Variants in UTP23 observed in about 807,000 individuals in gnomAD.
The protein encoded by UTP23 is UTP23 small subunit processome component.
A neutral mutation model predicts 19.8 loss-of-function variants in UTP23; 10 were observed. The ratio of observed to expected loss-of-function variants is 0.50; its 90% CI spans 0.31 to 0.86. The LOEUF (loss-of-function observed/expected upper bound fraction) is 0.86. Ranked by LOEUF, UTP23 falls within the 40% of genes least tolerant of loss-of-function variation. The pLI is 0.05. For missense variants in UTP23, 282 were observed against 293.1 expected, an observed-to-expected ratio of 0.96 and a Z score of 0.28; for synonymous variants, 108 against 105.4, an observed-to-expected ratio of 1.02 and a Z score of -0.15.
Position 116,772,423 on chromosome 8 carries a change from TGAA to T in UTP23, c.*585_*587del, listed in dbSNP as rs1815670330. ...AACTTCCTCTTTCAATTCTAGTAGT[TGAA>T]GAATTTATATTTCCAAATTGTATGA... On this transcript the variant is annotated 3_prime_UTR_variant, in exon 3 of 3. Coordinates refer to ENST00000309822, the MANE Select transcript of UTP23 (RefSeq NM_032334.3). The T allele has an allele frequency of 2.1e-6, 2 of 950,126 alleles. No homozygotes were observed. Among genetic ancestry groups the T allele is most frequent in the Non-Finnish European group, 2.5e-6 (2 of 797,818 alleles). 58.9% of individuals were successfully genotyped at this position (950,126 alleles called of 1,614,324 possible).
chr8:116,774,215 TG>T lies in UTP23; in HGVS notation c.*2374del. 1.0e-6 allele frequency: 1 copy of T among 985,362 alleles called. No individual in the cohort carries two copies. Among genetic ancestry groups the T allele is most frequent in the African/African-American group, 1.7e-5 (1 of 57,314 alleles). 61.0% of individuals were successfully genotyped at this position (985,362 alleles called of 1,614,324 possible). On this transcript the variant is annotated 3_prime_UTR_variant, in exon 3 of 3. Transcript: ENST00000309822. ...TCTTTTACGAACACTTAAAAATAAG[TG>T]TTTGCAGTTGTGTATGGGCACGATA...
Position 116,774,549 on chromosome 8 carries a change from G to C in UTP23, c.*2707G>C. ...CTCCAAGATATATATATGTATATAG[G>C]TATATACACATATGTATATATACAT... On this transcript the variant is annotated 3_prime_UTR_variant, in exon 3 of 3. Coordinates refer to ENST00000309822, the MANE Select transcript of UTP23 (RefSeq NM_032334.3). 1.8e-5 allele frequency: 10 copies of C among 567,086 alleles called. No individual in the cohort carries two copies. Among genetic ancestry groups the C allele is most frequent in the Middle Eastern group, 9.1e-4 (1 of 1,098 alleles). 35.1% of individuals were successfully genotyped at this position (567,086 alleles called of 1,614,324 possible).
At position 116,773,033 on chromosome 8, in the gene UTP23, T is replaced by G. The variant is rs1337101884; in HGVS notation, c.*1191T>G. On this transcript the variant is annotated 3_prime_UTR_variant, in exon 3 of 3. Coordinates refer to ENST00000309822, the MANE Select transcript of UTP23 (RefSeq NM_032334.3). ...ATGGTTAAATGTGAGACAGTTCACA[T>G]TTATTCCCATAGAAATGTCATTCTC... 3 of 981,140 alleles carry G rather than the reference T, an allele frequency of 3.1e-6. No individual in the cohort carries two copies. Among genetic ancestry groups the G allele is most frequent in the Non-Finnish European group, 3.6e-6 (3 of 828,746 alleles). The allele number at this position is 981,140 out of a possible 1,614,324, so 60.8% of individuals were successfully genotyped here.
At position 116,772,803 on chromosome 8, in the gene UTP23, G is replaced by A; in HGVS notation, c.*961G>A. The A allele has an allele frequency of 1.0e-6, 1 of 985,402 alleles. No individual in the cohort carries two copies. The highest frequency in any genetic ancestry group is 1.2e-6 in the Non-Finnish European group (1 of 829,924). The allele number at this position is 985,402 out of a possible 1,614,324, so 61.0% of individuals were successfully genotyped here. On this transcript the variant is annotated 3_prime_UTR_variant, in exon 3 of 3. Coordinates refer to ENST00000309822, the MANE Select transcript of UTP23 (RefSeq NM_032334.3). ...AGTTAGGAATTGAATAATGAAACGT[G>A]TCTCTCTGAATTCCCCCGGCAATTG...
In UTP23 at chr8:116,772,350, G is replaced by T; in HGVS notation, c.*508G>T. Reference sequence around the variant, plus strand: ...TTTAAAAAATCTTACAGTTCTAAAAGGCTTGTGACAAAAAAAGAGGCAGTC... The same window carrying T: ...TTTAAAAAATCTTACAGTTCTAAAATGCTTGTGACAAAAAAAGAGGCAGTC... On this transcript the variant is annotated 3_prime_UTR_variant, in exon 3 of 3. Transcript: ENST00000309822. 1.0e-6 allele frequency: 1 copy of T among 984,956 alleles called. No homozygotes were observed. The highest frequency in any genetic ancestry group is 1.7e-5 in the African/African-American group (1 of 57,294). The allele number at this position is 984,956 out of a possible 1,614,324, so 61.0% of individuals were successfully genotyped here.
At position 116,773,195 on chromosome 8, in the gene UTP23, TA is replaced by T; in HGVS notation, c.*1354del. The T allele has an allele frequency of 2.0e-6, 2 of 985,380 alleles. No individual in the cohort carries two copies. The highest frequency in any genetic ancestry group is 2.4e-6 in the Non-Finnish European group (2 of 829,904). 61.0% of individuals were successfully genotyped at this position (985,380 alleles called of 1,614,324 possible). On this transcript the variant is annotated 3_prime_UTR_variant, in exon 3 of 3. Transcript: ENST00000309822. Reference sequence around the variant, plus strand: ...TGATTCTATTTTAAATTCTTGATGGTAGAAACATTTTTAATAAGGAAGGTAA... The same window carrying T: ...TGATTCTATTTTAAATTCTTGATGGTGAAACATTTTTAATAAGGAAGGTAA...
chr8:116,767,999 G>A (rs1282846314), intron 1 of UTP23, among the ~76,000 whole-genome samples: 2 of 152,056 alleles, frequency 1.3e-5, no homozygotes, highest in African/African-American at 4.8e-5. Context: ...AGACAGGAGG[G>A]TTGCCTGAGT....
At position 116,774,594 on chromosome 8, in the gene UTP23, A is replaced by G; in HGVS notation, c.*2752A>G. On this transcript the variant is annotated 3_prime_UTR_variant, in exon 3 of 3. Transcript: ENST00000309822. ...ATACATAGTCTATATATTCTATATA[A>G]GAATATATTCCAATAAGAATATATT... 1 of 663,238 alleles carries G rather than the reference A, an allele frequency of 1.5e-6. No homozygotes were observed. The highest frequency in any genetic ancestry group is 1.9e-6 in the Non-Finnish European group (1 of 537,108). 41.1% of individuals were successfully genotyped at this position (663,238 alleles called of 1,614,324 possible).
In UTP23 at chr8:116,773,881, C is replaced by G. The variant is rs1376275982; in HGVS notation, c.*2039C>G. The G allele has an allele frequency of 3.3e-6, 3 of 922,494 alleles. No homozygotes were observed. The African/African-American group carries it at 5.4e-5, about 17-fold the overall frequency. 57.1% of individuals were successfully genotyped at this position (922,494 alleles called of 1,614,324 possible). ...TTTATGTATTTTGCCAGTAAAATTA[C>G]TTTAAAAGATATTTTAACAAAAGTC... On this transcript the variant is annotated 3_prime_UTR_variant, in exon 3 of 3. Transcript: ENST00000309822.
chr8:116,769,597 T>A (rs1815625414), intron 1 of UTP23, among the ~76,000 whole-genome samples: 1 of 152,168 alleles, frequency 6.6e-6, no homozygotes, highest in Admixed American at 6.6e-5. Flanking sequence ...AGCAAAATCT[T>A]CTTGAAACAG....
In UTP23 at chr8:116,774,558, CAT is replaced by C. The variant is rs1448225096; in HGVS notation, c.*2719_*2720del. 3.6e-6 allele frequency: 2 copies of C among 563,088 alleles called. No individual in the cohort carries two copies. Among genetic ancestry groups the C allele is most frequent in the South Asian group, 7.8e-5 (1 of 12,750 alleles). 34.9% of individuals were successfully genotyped at this position (563,088 alleles called of 1,614,324 possible). On this transcript the variant is annotated 3_prime_UTR_variant, in exon 3 of 3. Coordinates refer to ENST00000309822, the MANE Select transcript of UTP23 (RefSeq NM_032334.3). ...ATATATATGTATATAGGTATATACA[CAT>C]ATGTATATATACATAGTCTATATAT...
rs1363768044 is a variant in UTP23 at position 116,772,737 on chromosome 8, A to G, written c.*895A>G. 2 of 985,262 alleles carry G rather than the reference A, an allele frequency of 2.0e-6. No homozygotes were observed. Among genetic ancestry groups the G allele is most frequent in the Admixed American group, 6.1e-5 (1 of 16,262 alleles). 61.0% of individuals were successfully genotyped at this position (985,262 alleles called of 1,614,324 possible). ...TGAGATTGACTGTGAATGTTATTGA[A>G]AAGTGTCTAAATTAGTCTGAGGATC... On this transcript the variant is annotated 3_prime_UTR_variant, in exon 3 of 3. Transcript: ENST00000309822.
chr8:116,770,237 G>A lies in UTP23; in HGVS notation c.234G>A (p.Gly78=), dbSNP rs202052785. The change falls in exon 2 of 3, where the codon GGG becomes GGA. Residue 78 remains glycine (G), a synonymous_variant. Coordinates refer to ENST00000309822, the MANE Select transcript of UTP23 (RefSeq NM_032334.3). The part of the protein sequence containing the change: ...ELETLGKDLY[G]AKLIAQKCQV... ...AAACATTGGGAAAGGACTTATATGG[G>A]GCAAAACTGATTGCACAAAAATGCC... 1.1e-4 allele frequency: 174 copies of A among 1,613,728 alleles called. No individual in the cohort carries two copies. Among genetic ancestry groups the A allele is most frequent in the Non-Finnish European group, 1.4e-4 (171 of 1,179,850 alleles).
At position 116,770,362 on chromosome 8, in the gene UTP23, C is replaced by T. The variant is rs754748619; in HGVS notation, c.359C>T (p.Thr120Ile). ...AATCCTCATCATTATTTTGTGGCAA[C>T]ACAGGTGATACTACTTTTAAAACCA... is the stretch of plus-strand genomic sequence containing the variant. Reference protein sequence around the residue: ...EGNPHHYFVATQDQNLSVKVK... With the variant: ...EGNPHHYFVAIQDQNLSVKVK... Residue 120 changes from threonine (T) to isoleucine (I), a missense_variant, in exon 2 of 3, where the codon ACA becomes ATA. Transcript: ENST00000309822. The T allele has an allele frequency of 2.8e-5, 45 of 1,607,944 alleles. No individual in the cohort carries two copies. Among genetic ancestry groups the T allele is most frequent in the Non-Finnish European group, 3.7e-5 (43 of 1,175,252 alleles).
intron 1 of UTP23, 169 bp from the exon 2 acceptor site, chr8:116,770,023 T>TCTTCCTA (rs1815630269): frequency 1.7e-6 from 1 of 595,398 alleles, no homozygotes; most frequent in African/African-American, 1.8e-5. Flanking sequence ...TAACTGTTGT[T>TCTTCCTA]CTTCCTACTT....
rs780351909 is a variant in UTP23 at position 116,773,569 on chromosome 8, T to C, written c.*1727T>C. On this transcript the variant is annotated 3_prime_UTR_variant, in exon 3 of 3. Transcript: ENST00000309822. ...GCTCACACCTGTAATCCCAGCACTTTGGGAGGCCGAGGCTGGCAGATCACA... is the reference window on the plus strand; with the variant it reads ...GCTCACACCTGTAATCCCAGCACTTCGGGAGGCCGAGGCTGGCAGATCACA... The C allele has an allele frequency of 4.0e-5, 35 of 873,670 alleles. No homozygotes were observed. The highest frequency in any genetic ancestry group is 4.5e-5 in the Non-Finnish European group (33 of 728,294). 54.1% of individuals were successfully genotyped at this position (873,670 alleles called of 1,614,324 possible).
At position 116,774,122 on chromosome 8, in the gene UTP23, T is replaced by C; in HGVS notation, c.*2280T>C. On this transcript the variant is annotated 3_prime_UTR_variant, in exon 3 of 3. Coordinates refer to ENST00000309822, the MANE Select transcript of UTP23 (RefSeq NM_032334.3). ...CTACTAGCTTTGTTGGGGATAAAAG[T>C]GTAATACATGCACTTTTGAACTCTG... is the stretch of plus-strand genomic sequence containing the variant. The C allele has an allele frequency of 1.0e-6, 1 of 985,418 alleles. No individual in the cohort carries two copies. The allele number at this position is 985,418 out of a possible 1,614,324, so 61.0% of individuals were successfully genotyped here.
chr8:116,768,027 G>A (rs1232413057), intron 1 of UTP23, among the ~76,000 whole-genome samples: 1 of 152,114 alleles, frequency 6.6e-6, no homozygotes, highest in Admixed American at 6.6e-5. Flanking sequence ...TTTGAGGTGA[G>A]CCTGAGCAAC....
Position 116,766,630 on chromosome 8 carries a change from C to T in UTP23, c.27C>T (p.Ala9=). 1 of 1,613,006 alleles carries T rather than the reference C, an allele frequency of 6.2e-7. No individual in the cohort carries two copies. Among genetic ancestry groups the T allele is most frequent in the Non-Finnish European group, 8.5e-7 (1 of 1,179,776 alleles). The change falls in exon 1 of 3, where the codon GCC becomes GCT. Residue 9 remains alanine (A), a synonymous_variant. Transcript: ENST00000309822. The part of the protein sequence containing the change: MKITRQKH[A]KKHLGFFRNN... ...TGAAGATCACAAGGCAGAAACATGC[C>T]AAGAAGCATCTTGGCTTCTTCCGCA...
Sources: allele counts gnomAD v4.1 joint callset (sites outside exome capture counted in the v4.1 genomes callset), GRCh38; gene constraint gnomAD v4.1.1; transcripts MANE v1.5; gene names NCBI Gene and HGNC (gene_info 2026-07-23, HGNC 2026-07-21).